The following ADGRD1 variants were observed in gnomAD, a reference collection of about 807,000 sequenced individuals.
ADGRD1 encodes adhesion G protein-coupled receptor D1.
A neutral mutation model predicts 113.4 loss-of-function variants in ADGRD1; 77 were observed. That is an observed-to-expected ratio of 0.68 (90% confidence interval 0.57 to 0.82). ADGRD1 has a LOEUF of 0.82. Ranked by LOEUF, ADGRD1 falls within the 40% of genes least tolerant of loss-of-function variation. The pLI is 0.00. For missense variants in ADGRD1, 1,036 were observed against 1,139.1 expected, an observed-to-expected ratio of 0.91 and a Z score of 1.30; for synonymous variants, 474 against 475.0, an observed-to-expected ratio of 1.00 and a Z score of 0.03.
chr12:131,071,714 C>A (rs973225136), intron 13 of ADGRD1, among the ~76,000 whole-genome samples: 5 of 152,176 alleles, frequency 3.3e-5, no homozygotes, highest in South Asian at 2.1e-4. Flanking sequence ...AGAGTGGAGA[C>A]CCGGATGCCG....
At chr12:131,046,680 C>T (rs1405737035) in intron 13 of ADGRD1, among the ~76,000 whole-genome samples, 1 of 123,062 alleles carries the variant, frequency 8.1e-6, no homozygotes. Flanking sequence ...CTGGTCAGTG[C>T]CCCCTCCCTG....
At chr12:131,046,338 T>C (rs1467101684) in intron 13 of ADGRD1, among the ~76,000 whole-genome samples, 31 of 81,100 alleles carry the variant, frequency 3.8e-4, no homozygotes, top group Middle Eastern at 0.012. Flanking sequence ...TGGTCAGTGC[T>C]CCCTCCCTGG....
chr12:130,991,195 T>A, intron 7 of ADGRD1, 117 bp downstream of exon 7: 1 of 755,562 alleles, frequency 1.3e-6, no homozygotes. Context: ...CAGTACATTG[T>A]CTGGGAAGAA....
rs745958911 is a variant in ADGRD1 at position 130,987,219 on chromosome 12, C to T, written c.615C>T (p.Asn205=). The change falls in exon 6 of 25, where the codon AAC becomes AAT. Residue 205 remains asparagine, a synonymous_variant. Transcript: ENST00000261654. The part of the protein sequence containing the change: ...GKVSRDYGES[N]VNLVIGSEQD... ...TGTCTCGTGACTATGGAGAGTCCAACGTCAACCTCGTGATAGGGTCTGAGC... is the reference window on the plus strand; with the variant it reads ...TGTCTCGTGACTATGGAGAGTCCAATGTCAACCTCGTGATAGGGTCTGAGC... 30 of 1,614,096 alleles carry T rather than the reference C, an allele frequency of 1.9e-5. No homozygotes were observed. Among genetic ancestry groups the T allele is most frequent in the East Asian group, 4.5e-5 (2 of 44,904 alleles).
At chr12:131,052,424 C>A (rs1883489297) in intron 13 of ADGRD1, among the ~76,000 whole-genome samples, 1 of 152,216 alleles carries the variant, frequency 6.6e-6, no homozygotes, top group African/African-American at 2.4e-5. Context: ...AGCTCTTCTT[C>A]TATAGCTGGA....
At chr12:131,074,877 T>G (rs1363506643) in intron 13 of ADGRD1, among the ~76,000 whole-genome samples, 1 of 152,214 alleles carries the variant, frequency 6.6e-6, no homozygotes, top group Non-Finnish European at 1.5e-5. Context: ...ACACACATGC[T>G]TGGCTTGTTG....
chr12:130,982,176 C>T lies in ADGRD1; in HGVS notation c.490+113C>T, dbSNP rs572922934. ...AAGGAGCCCAGGGATGCTGCTGCCT[C>T]CTGGCACCCGAGCTCCTTTCCTTTA... On this transcript the variant is annotated intron_variant, in intron 5 of 24. Transcript: ENST00000261654. The T allele has an allele frequency of 1.2e-5, 11 of 886,762 alleles. 1 individual carries two copies. The South Asian group carries it at 1.7e-4, about 14-fold the overall frequency. The allele number at this position is 886,762 out of a possible 1,614,324, so 54.9% of individuals were successfully genotyped here. A position where few individuals can be genotyped will look rare whatever the true frequency, so the allele number is the denominator to read the frequency against.
intron 17 of ADGRD1, among the ~76,000 whole-genome samples, chr12:131,107,567 G>C (rs569669950): frequency 2.0e-5 from 3 of 152,344 alleles, no homozygotes; most frequent in Admixed American, 1.3e-4. Context: ...CCCAGGGAAG[G>C]GCTCCAGTTG....
rs1181083627 is a variant in ADGRD1 at position 131,022,245 on chromosome 12, G to T, written c.1473+7905G>T. On this transcript the variant is annotated intron_variant, in intron 13 of 24. Coordinates refer to ENST00000261654, the MANE Select transcript of ADGRD1 (RefSeq NM_198827.5). The surrounding 1 kb of genome is among the most constrained non-coding windows in gnomAD (Gnocchi z 4.6). ...TCACGTGGATGGCATGAGTGAGGTG[G>T]TGTCTGCCAGATGAACCCACTGTAA... Among the ~76,000 whole-genome samples, 4 of 152,114 alleles carry T rather than the reference G, an allele frequency of 2.6e-5. No individual in the cohort carries two copies. The highest frequency in any genetic ancestry group is 7.2e-5 in the African/African-American group (3 of 41,408).
Position 131,138,216 on chromosome 12 carries a change from T to C in ADGRD1, c.2516T>C (p.Phe839Ser). 6.2e-7 allele frequency: 1 copy of C among 1,613,444 alleles called. No individual in the cohort carries two copies. The highest frequency in any genetic ancestry group is 1.1e-5 in the South Asian group (1 of 91,082). Residue 839 changes from phenylalanine (F) to serine (S), a missense_variant, in exon 24 of 25, where the codon TTC becomes TCC. Coordinates refer to ENST00000261654, the MANE Select transcript of ADGRD1 (RefSeq NM_198827.5). ...GCCCGCACCTCCAACGCGAAGCCCT[T>C]CCACTCGGACCTCGTGAGTGCAGCC... ...SSARTSNAKPFHSDLMNGTRP... is the reference protein window; with the variant it reads ...SSARTSNAKPSHSDLMNGTRP...
chr12:130,965,845 G>C lies in ADGRD1; in HGVS notation c.104-618G>C, dbSNP rs944365958. On this transcript the variant is annotated intron_variant, in intron 2 of 24. Coordinates refer to ENST00000261654, the MANE Select transcript of ADGRD1 (RefSeq NM_198827.5). The surrounding 1 kb of genome is among the most constrained non-coding windows in gnomAD (Gnocchi z 4.8). ...GTGGAGGAAGCATAGAGGGAAAATA[G>C]AATGACCAGGATTAAATTGAGAAAG... Among the ~76,000 whole-genome samples the C allele has an allele frequency of 4.6e-5, 7 of 152,200 alleles. No individual in the cohort carries two copies. Among genetic ancestry groups the C allele is most frequent in the African/African-American group, 1.7e-4 (7 of 41,450 alleles).
rs1879444533 is a variant in ADGRD1 at position 131,022,587 on chromosome 12, C to T, written c.1473+8247C>T. Among the ~76,000 whole-genome samples, 1 of 152,214 alleles carries T rather than the reference C, an allele frequency of 6.6e-6. No homozygotes were observed. The highest frequency in any genetic ancestry group is 1.5e-5 in the Non-Finnish European group (1 of 68,048). Reference sequence around the variant, plus strand: ...GGCTCTATCATTACGGATTCTGTTGCTCCCGTTGTCGCGGCCGTGACCGTC... The same window carrying T: ...GGCTCTATCATTACGGATTCTGTTGTTCCCGTTGTCGCGGCCGTGACCGTC... On this transcript the variant is annotated intron_variant, in intron 13 of 24. Transcript: ENST00000261654. The surrounding 1 kb of genome is among the most constrained non-coding windows in gnomAD (Gnocchi z 4.6).
chr12:131,054,974 A>G (rs968189579), intron 13 of ADGRD1, among the ~76,000 whole-genome samples: 4 of 152,064 alleles, frequency 2.6e-5, no homozygotes, highest in African/African-American at 9.7e-5. Context: ...GTCTTGTTAC[A>G]CTGTCTTGGG....
In ADGRD1 at chr12:130,982,063, G is replaced by A; in HGVS notation, c.490G>A (p.Gly164Ser). ...ATGGGAGGCCTCCTTCAGCCCCCCA[G>A]GTGAGTGACAGCATCGGTCCCGGGA... ...MTWEASFSPPGPYWTHVLFTW... is the reference protein window; with the variant it reads ...MTWEASFSPPSPYWTHVLFTW... The change falls in exon 5 of 25, where the codon GGC becomes AGC. Residue 164 changes from glycine (G) to serine (S), a missense_variant and splice_region_variant. By Grantham distance (56) the Gly-to-Ser change is moderately conservative. Transcript: ENST00000261654. 1 of 1,612,526 alleles carries A rather than the reference G, an allele frequency of 6.2e-7. No individual in the cohort carries two copies. The highest frequency in any genetic ancestry group is 8.5e-7 in the Non-Finnish European group (1 of 1,179,074).
intron 17 of ADGRD1, among the ~76,000 whole-genome samples, chr12:131,106,388 G>A (rs1272297137): frequency 6.6e-6 from 1 of 152,208 alleles, no homozygotes; most frequent in Non-Finnish European, 1.5e-5. Flanking sequence ...GGAGTGGGGG[G>A]TTCTCTGGGG....
intron 18 of ADGRD1, among the ~76,000 whole-genome samples, chr12:131,116,339 CCTT>C (rs1950463147): frequency 6.6e-6 from 1 of 152,230 alleles, no homozygotes; most frequent in African/African-American, 2.4e-5. Flanking sequence ...TGCCTGGTCT[CCTT>C]CTGGACAACT....
chr12:131,046,768 CCCTCCCTGGTCAGTGT>C (rs1393683310), intron 13 of ADGRD1, among the ~76,000 whole-genome samples: 61 of 141,674 alleles, frequency 4.3e-4, no homozygotes, highest in Non-Finnish European at 6.1e-4. Context: ...GGTCAGTGCT[CCCTCCCTGGTCAGTGT>C]CCTCCCTGGT....
At chr12:131,011,940 G>A (rs1341891806) in intron 12 of ADGRD1, among the ~76,000 whole-genome samples, 1 of 152,170 alleles carries the variant, frequency 6.6e-6, no homozygotes, top group African/African-American at 2.4e-5. Flanking sequence ...AGTCAGGCTG[G>A]GCGCCGCGGG....
At chr12:130,986,924 C>A in intron 5 of ADGRD1, 171 bp from the exon 6 acceptor site, 1 of 606,346 alleles carries the variant, frequency 1.6e-6, no homozygotes, top group Non-Finnish European at 2.9e-6. Context: ...TTCCTGTGCT[C>A]CAAAGGACTG....
Sources: gnomAD v4.1 joint callset for allele counts (sites outside exome capture counted in the v4.1 genomes callset) on GRCh38, gnomAD v4.1.1 for gene constraint, Gnocchi (gnomAD v3.1) non-coding constraint, MANE v1.5 for transcripts, NCBI Gene and HGNC (gene_info 2026-07-23, HGNC 2026-07-21) for gene names.